Variants in DPP9 observed in about 807,000 individuals in gnomAD.
DPP9 encodes dipeptidyl peptidase 9, also known as dipeptidyl peptidase IV-related protein-2.
In DPP9, 50 loss-of-function variants were observed where a neutral mutation model predicts 110.7. The ratio of observed to expected loss-of-function variants is 0.45; its 90% confidence interval spans 0.36 to 0.57. DPP9 has a LOEUF of 0.57. Ranked by LOEUF, DPP9 falls within the 20% of genes least tolerant of loss-of-function variation. DPP9 has a pLI of 0.00. For missense variants in DPP9, 1,022 were observed against 1,217.9 expected (o/e 0.84, Z 2.39); for synonymous variants, 561 against 514.4 (o/e 1.09, Z -1.23).
chr19:4,684,411 A>C lies in DPP9; in HGVS notation c.2178+252T>G. On this transcript the variant is annotated intron_variant, in intron 18 of 21. Transcript: ENST00000262960. The surrounding 1 kb of genome is among the most constrained non-coding windows in gnomAD (Gnocchi z 4.8). ...GTGCAAAGGGGCCGAGATGATCGCCATCACCACCGTCGTCATCACCAGTGT... is the reference window on the plus strand; with the variant it reads ...GTGCAAAGGGGCCGAGATGATCGCCCTCACCACCGTCGTCATCACCAGTGT... 1.9e-6 allele frequency: 1 copy of C among 534,786 alleles called. No individual in the cohort carries two copies. Among genetic ancestry groups the C allele is most frequent in the Non-Finnish European group, 3.3e-6 (1 of 299,084 alleles). The allele number at this position is 534,786 out of a possible 1,614,324, so 33.1% of individuals were successfully genotyped here.
chr19:4,683,020 G>A (rs1223689895), intron 19 of DPP9, 182 bp from the exon 20 acceptor site: 2 of 1,523,772 alleles, frequency 1.3e-6, no homozygotes, highest in South Asian at 1.2e-5. Context: ...TGCGTGGCAT[G>A]GGGGTGGGCA....
chr19:4,696,397 G>C (rs115062853), intron 11 of DPP9, among the ~76,000 whole-genome samples: 13,060 of 150,690 alleles, frequency 0.087, 1,122 homozygotes, highest in African/African-American at 0.23. Context: ...AGGTGGGCGG[G>C]TCGCTTGAGC....
In DPP9 at chr19:4,685,920, G is replaced by GTT; in HGVS notation, c.1886-151_1886-150dup. The GTT allele has an allele frequency of 4.7e-6, 4 of 852,202 alleles. No homozygotes were observed. Among genetic ancestry groups the GTT allele is most frequent in the Non-Finnish European group, 5.2e-6 (3 of 577,284 alleles). 52.8% of individuals were successfully genotyped at this position (852,202 alleles called of 1,614,324 possible). On this transcript the variant is annotated intron_variant, in intron 16 of 21. Transcript: ENST00000262960. This position sits in a 1 kb window ranked among gnomAD's most constrained non-coding sequence, Gnocchi z 5.8. Reference sequence around the variant, plus strand: ...CCGAGAGTTGATAATTGAAAAAAACGTTTTTTTTTCATTAAATAAGATTTG... The same window carrying GTT: ...CCGAGAGTTGATAATTGAAAAAAACGTTTTTTTTTTTCATTAAATAAGATTTG...
chr19:4,705,811 C>T, intron 5 of DPP9, 47 bp downstream of exon 5: 1 of 1,591,236 alleles, frequency 6.3e-7, no homozygotes, highest in Admixed American at 1.7e-5. Flanking sequence ...CTGGCCTTTG[C>T]CACCTCCTCG....
rs2146003658 is a variant in DPP9, at chr19:4,719,990, G to A, written c.-35-49C>T. ...TCAAAGGGCTGCAACCCCAGCAGGT[G>A]GGGAGTGGGCGCTCCTGCCCCCTTC... On this transcript the variant is annotated intron_variant, in intron 2 of 21. Coordinates refer to ENST00000262960, the MANE Select transcript of DPP9 (RefSeq NM_139159.5). 3.3e-6 allele frequency: 5 copies of A among 1,495,028 alleles called. No individual in the cohort carries two copies. The East Asian group carries it at 1.2e-4, about 37-fold the overall frequency. The allele number at this position is 1,495,028 out of a possible 1,614,324, so 92.6% of individuals were successfully genotyped here.
intron 4 of DPP9, among the ~76,000 whole-genome samples, chr19:4,713,271 A>AAAGACAC (rs2092917691): frequency 1.3e-5 from 2 of 152,332 alleles, no homozygotes; most frequent in East Asian, 3.9e-4. Context: ...TGATCTCTCC[A>AAAGACAC]AGGTGTCCTT....
In DPP9 at chr19:4,676,190, C is replaced by T. The variant is rs1269973196; in HGVS notation, c.*374G>A. The T allele has an allele frequency of 2.7e-5, 6 of 225,040 alleles. No individual in the cohort carries two copies. Among genetic ancestry groups the T allele is most frequent in the Middle Eastern group, 3.1e-3 (2 of 644 alleles). 13.9% of individuals were successfully genotyped at this position (225,040 alleles called of 1,614,324 possible). ...TTGGGTGCTGGGGACGGTGGCTGGCCGGGCCAGGGGACTGAGAGGTCACAG... is the reference window on the plus strand; with the variant it reads ...TTGGGTGCTGGGGACGGTGGCTGGCTGGGCCAGGGGACTGAGAGGTCACAG... On this transcript the variant is annotated 3_prime_UTR_variant, in exon 22 of 22. Coordinates refer to ENST00000262960, the MANE Select transcript of DPP9 (RefSeq NM_139159.5). The surrounding 1 kb of genome is among the most constrained non-coding windows in gnomAD (Gnocchi z 4.0).
intron 21 of DPP9, 158 bp downstream of exon 21, chr19:4,679,677 G>A: frequency 3.3e-6 from 2 of 615,358 alleles, no homozygotes; most frequent in South Asian, 1.9e-5. Flanking sequence ...TGGGAGCTGG[G>A]AGGGCGGGGA....
intron 3 of DPP9, among the ~76,000 whole-genome samples, chr19:4,716,428 C>G (rs578057275): frequency 1.2e-4 from 18 of 152,182 alleles, no homozygotes; most frequent in Non-Finnish European, 1.9e-4. Context: ...ATGAGATCAG[C>G]AGATCGAGAC....
chr19:4,716,547 G>A (rs1302305470), intron 3 of DPP9, among the ~76,000 whole-genome samples: 1 of 152,032 alleles, frequency 6.6e-6, no homozygotes, highest in Non-Finnish European at 1.5e-5. Context: ...TGAGGCAGGA[G>A]AATGGCGTGA....
In DPP9 at chr19:4,697,651, T is replaced by C. The variant is rs775581400; in HGVS notation, c.1075A>G (p.Ile359Val). ...AEFQTDSQGK[I>V]VSTQEKELVQ... ...AGCTCCTTCTCCTGGGTCGAGACGA[T>C]CTGAAGGGAAACAAACAGGTGTGGG... is the stretch of plus-strand genomic sequence containing the variant. Residue 359 changes from isoleucine (I) to valine (V), a missense_variant and splice_region_variant, in exon 11 of 22, where the codon ATC (isoleucine) becomes GTC (valine). Physicochemically the swap from Ile to Val is conservative, Grantham distance 29. Around this residue, in one of 3 missense-constraint regions of DPP9, gnomAD observed 810 missense variants for 920.6 expected, o/e 0.88. Transcript: ENST00000262960. The C allele has an allele frequency of 1.9e-6, 3 of 1,613,520 alleles. No individual in the cohort carries two copies. The highest frequency in any genetic ancestry group is 2.5e-6 in the Non-Finnish European group (3 of 1,179,768).
Position 4,697,611 on chromosome 19 carries a change from C to A in DPP9, c.1115G>T (p.Ser372Ile), listed in dbSNP as rs2091910370. 1.2e-6 allele frequency: 2 copies of A among 1,613,904 alleles called. No homozygotes were observed. Among genetic ancestry groups the A allele is most frequent in the South Asian group, 1.1e-5 (1 of 91,086 alleles). The change falls in exon 11 of 22, where the codon AGC becomes ATC. Residue 372 changes from serine (S) to isoleucine (I), a missense_variant. Physicochemically the swap from Ser to Ile is moderately radical, Grantham distance 142. Around this residue, in one of 3 missense-constraint regions of DPP9, gnomAD observed 810 missense variants for 920.6 expected, o/e 0.88. Transcript: ENST00000262960. ...GTACTCCACCTTCGGGAACAGCGAG[C>A]TGAAGGGCTGCACCAGCTCCTTCTC... ...TQEKELVQPFSSLFPKVEYIA... is the reference protein window; with the variant it reads ...TQEKELVQPFISLFPKVEYIA...
Position 4,685,165 on chromosome 19 carries a change from A to T in DPP9, c.2032-356T>A, listed in dbSNP as rs1412844486. 9.2e-6 allele frequency: 5 copies of T among 540,866 alleles called. No individual in the cohort carries two copies. Among genetic ancestry groups the T allele is most frequent in the Non-Finnish European group, 1.8e-5 (5 of 281,956 alleles). 33.5% of individuals were successfully genotyped at this position (540,866 alleles called of 1,614,324 possible). A position where few individuals can be genotyped will look rare whatever the true frequency, so the allele number is the denominator to read the frequency against. ...TGAGAAGCCACTCCAGGCCAGGAGA[A>T]CTCGCAGTGGTGATGAACCACAAAG... On this transcript the variant is annotated intron_variant, in intron 17 of 21. Transcript: ENST00000262960. This position sits in a 1 kb window ranked among gnomAD's most constrained non-coding sequence, Gnocchi z 5.8.
chr19:4,676,778 T>A lies in DPP9; in HGVS notation c.2587-122A>T, dbSNP rs73539507. On this transcript the variant is annotated intron_variant, in intron 21 of 21. Transcript: ENST00000262960. This position sits in a 1 kb window ranked among gnomAD's most constrained non-coding sequence, Gnocchi z 4.0. ...GCAGGTGCTCTGAGGCCCAGTGATCTGGGTTTGAATCCCACCTCGGCTGTT... is the reference window on the plus strand; with the variant it reads ...GCAGGTGCTCTGAGGCCCAGTGATCAGGGTTTGAATCCCACCTCGGCTGTT... 1.2e-3 allele frequency: 891 copies of A among 760,640 alleles called. 9 individuals are homozygous for A. In the African/African-American group the frequency reaches 0.014, roughly 12 times the overall value. The allele number at this position is 760,640 out of a possible 1,614,324, so 47.1% of individuals were successfully genotyped here.
chr19:4,682,996 G>T lies in DPP9; in HGVS notation c.2332-158C>A, dbSNP rs944446308. The T allele has an allele frequency of 3.5e-5, 54 of 1,530,072 alleles. No homozygotes were observed. The highest frequency in any genetic ancestry group is 4.5e-5 in the Non-Finnish European group (52 of 1,144,464). 94.8% of individuals were successfully genotyped at this position (1,530,072 alleles called of 1,614,324 possible). A position where few individuals can be genotyped will look rare whatever the true frequency, so the allele number is the denominator to read the frequency against. On this transcript the variant is annotated intron_variant, in intron 19 of 21. Coordinates refer to ENST00000262960, the MANE Select transcript of DPP9 (RefSeq NM_139159.5). This position sits in a 1 kb window ranked among gnomAD's most constrained non-coding sequence, Gnocchi z 7.1. ...AAGGAAGGGGCCCTCAGACCGCGTG[G>T]CCCCCGTGGACGGTGCGTGGCATGG... is the stretch of plus-strand genomic sequence containing the variant.
intron 5 of DPP9, among the ~76,000 whole-genome samples, chr19:4,705,657 G>GT (rs1599926677): frequency 2.0e-5 from 3 of 152,362 alleles, no homozygotes; most frequent in Admixed American, 1.3e-4. Flanking sequence ...GATGCTTTTG[G>GT]TAAGAGTTTC....
intron 7 of DPP9, among the ~76,000 whole-genome samples, chr19:4,703,072 G>T (rs1339810404): frequency 6.6e-6 from 1 of 151,694 alleles, no homozygotes; most frequent in Non-Finnish European, 1.5e-5. Flanking sequence ...TCGCCGAGTG[G>T]CCAGGTTTGG....
chr19:4,718,821 T>C lies in DPP9; in HGVS notation c.56+1030A>G, dbSNP rs2093191238. Reference sequence around the variant, plus strand: ...TTCCCCGGTCCATTCTTCAATTCCCTTCCCAGCTGAGCATGCTCCATTGAA... The same window carrying C: ...TTCCCCGGTCCATTCTTCAATTCCCCTCCCAGCTGAGCATGCTCCATTGAA... On this transcript the variant is annotated intron_variant, in intron 3 of 21. Coordinates refer to ENST00000262960, the MANE Select transcript of DPP9 (RefSeq NM_139159.5). This position sits in a 1 kb window ranked among gnomAD's most constrained non-coding sequence, Gnocchi z 4.3. 6.6e-6 allele frequency among the ~76,000 whole-genome samples: 1 copy of C among 152,178 alleles called. No homozygotes were observed. The highest frequency in any genetic ancestry group is 6.5e-5 in the Admixed American group (1 of 15,276).
In DPP9 at chr19:4,682,900, C is replaced by G. The variant is rs771810586; in HGVS notation, c.2332-62G>C. Reference sequence around the variant, plus strand: ...AGAGAGAAACAGGCGTCGGGTCCTACAGCCAGCATCAGCCGCTGTCCCGGG... The same window carrying G: ...AGAGAGAAACAGGCGTCGGGTCCTAGAGCCAGCATCAGCCGCTGTCCCGGG... On this transcript the variant is annotated intron_variant, in intron 19 of 21. Coordinates refer to ENST00000262960, the MANE Select transcript of DPP9 (RefSeq NM_139159.5). The surrounding 1 kb of genome is among the most constrained non-coding windows in gnomAD (Gnocchi z 7.1). 7.0e-5 allele frequency: 108 copies of G among 1,541,842 alleles called. No individual in the cohort carries two copies. In the African/African-American group the frequency reaches 1.3e-3, roughly 18 times the overall value.
Sources: gnomAD v4.1 joint callset for allele counts (sites outside exome capture counted in the v4.1 genomes callset) on GRCh38, gnomAD v4.1.1 for gene constraint, gnomAD v4.1.1 regional missense constraint, Gnocchi (gnomAD v3.1) non-coding constraint, MANE v1.5 for transcripts, NCBI Gene and HGNC (gene_info 2026-07-23, HGNC 2026-07-21) for gene names.